Variants in CDH4 observed in about 807,000 individuals in gnomAD.
CDH4 encodes the protein cadherin-4.
CDH4 carries 33 observed loss-of-function variants against 86.0 expected under a neutral mutation model. The ratio of observed to expected loss-of-function variants is 0.38; its 90% CI spans 0.29 to 0.51. CDH4 has a LOEUF of 0.51. Among genes scored for constraint, CDH4 ranks in the 20% least tolerant of loss-of-function variants. The pLI is 0.86. For synonymous variants in CDH4, 555 were observed against 549.4 expected (o/e 1.01, Z -0.14); for missense variants, 1,114 against 1,307.4 (o/e 0.85, Z 2.28).
At chr20:61,506,898 A>G (rs955206464) in intron 2 of CDH4, among the ~76,000 whole-genome samples, 11 of 152,164 alleles carry the variant, frequency 7.2e-5, no homozygotes, top group African/African-American at 2.4e-5. Flanking sequence ...TTTTTGGAAT[A>G]CTCAGATTTG....
At chr20:61,613,479 G>A (rs1468380868) in intron 2 of CDH4, among the ~76,000 whole-genome samples, 1 of 151,708 alleles carries the variant, frequency 6.6e-6, no homozygotes, top group African/African-American at 2.4e-5. Flanking sequence ...TCTCTGTGTG[G>A]AGTATGCTTT....
intron 4 of CDH4, among the ~76,000 whole-genome samples, chr20:61,791,858 G>A (rs971769698): frequency 1.3e-5 from 2 of 152,248 alleles, no homozygotes; most frequent in Non-Finnish European, 2.9e-5. Flanking sequence ...CCCAAGGAAT[G>A]GAAAGGTCTG....
At chr20:61,661,589 A>G (rs960022858) in intron 2 of CDH4, among the ~76,000 whole-genome samples, 2 of 150,740 alleles carry the variant, frequency 1.3e-5, no homozygotes, top group African/African-American at 2.4e-5. Flanking sequence ...CGTCACGGGC[A>G]TGATCTGACA....
chr20:61,532,380 C>T lies in CDH4; in HGVS notation c.170-211183C>T, dbSNP rs867139534. ...ACCCTGGCACCAGTTCAACACGAGG[C>T]GGCAAATGTAAAAATGGAGCCCCGT... On this transcript the variant is annotated intron_variant, in intron 2 of 15. Transcript: ENST00000614565. Among the ~76,000 whole-genome samples, 6 of 152,242 alleles carry T rather than the reference C, an allele frequency of 3.9e-5. 1 individual carries two copies. The South Asian group carries it at 6.2e-4, about 16-fold the overall frequency.
At chr20:61,692,123 G>T (rs1481702860) in intron 2 of CDH4, among the ~76,000 whole-genome samples, 2 of 143,338 alleles carry the variant, frequency 1.4e-5, no homozygotes, top group African/African-American at 5.9e-5. Flanking sequence ...GCATGTGTGT[G>T]TCTGTGTGTG....
chr20:61,873,652 G>A (rs990572602), intron 6 of CDH4, 76 bp from the exon 7 acceptor site: 7 of 1,484,880 alleles, frequency 4.7e-6, no homozygotes, highest in Admixed American at 1.8e-5. Context: ...TGGTCGGGGG[G>A]CTCTGCCCAG....
intron 2 of CDH4, among the ~76,000 whole-genome samples, chr20:61,586,407 T>C (rs2086475774): frequency 3.9e-5 from 6 of 152,162 alleles, no homozygotes. Flanking sequence ...TCCATTTCCT[T>C]TCCCAGCTGA....
At chr20:61,649,582 A>T (rs189758551) in intron 2 of CDH4, among the ~76,000 whole-genome samples, 7 of 152,310 alleles carry the variant, frequency 4.6e-5, no homozygotes, top group Non-Finnish European at 8.8e-5. Flanking sequence ...CCCGGCACTG[A>T]TGACAGGTGC....
intron 3 of CDH4, among the ~76,000 whole-genome samples, chr20:61,764,402 G>A (rs1307272677): frequency 6.6e-6 from 1 of 152,198 alleles, no homozygotes; most frequent in Non-Finnish European, 1.5e-5. Flanking sequence ...ATTCTTGAAT[G>A]TGAGGGATTG....
chr20:61,804,323 C>T (rs370576149), intron 4 of CDH4, among the ~76,000 whole-genome samples: 19 of 152,240 alleles, frequency 1.2e-4, no homozygotes, highest in African/African-American at 3.9e-4. Context: ...GACAGAGGAC[C>T]GAGGCGGGTA....
intron 5 of CDH4, among the ~76,000 whole-genome samples, chr20:61,848,282 T>C (rs1982550980): frequency 1.3e-5 from 2 of 152,212 alleles, no homozygotes; most frequent in African/African-American, 4.8e-5. Context: ...GTGGGGCTGC[T>C]GGTGAAAGGT....
At chr20:61,619,970 G>A (rs1022057530) in intron 2 of CDH4, among the ~76,000 whole-genome samples, 1 of 152,194 alleles carries the variant, frequency 6.6e-6, no homozygotes, top group Non-Finnish European at 1.5e-5. Context: ...TTCTGCTTCT[G>A]TTGGGACATC....
intron 4 of CDH4, among the ~76,000 whole-genome samples, chr20:61,780,533 A>G (rs1388255075): frequency 1.3e-5 from 2 of 152,208 alleles, no homozygotes; most frequent in East Asian, 3.8e-4. Context: ...CCTAGTGCCT[A>G]CCTCTGCTAG....
chr20:61,643,261 C>T (rs180956523), intron 2 of CDH4, among the ~76,000 whole-genome samples: 65 of 152,264 alleles, frequency 4.3e-4, no homozygotes, highest in African/African-American at 6.7e-4. Context: ...TTCGTGGTAA[C>T]GACCCCACCC....
At chr20:61,688,079 C>T (rs964031237) in intron 2 of CDH4, among the ~76,000 whole-genome samples, 15 of 152,234 alleles carry the variant, frequency 9.9e-5, no homozygotes, top group Middle Eastern at 3.4e-3. Flanking sequence ...TGGACAGGAT[C>T]ACAGGACCCC....
chr20:61,316,083 G>C (rs1218523484), intron 2 of CDH4, among the ~76,000 whole-genome samples: 1 of 152,126 alleles, frequency 6.6e-6, no homozygotes, highest in East Asian at 1.9e-4. Flanking sequence ...TTGAAGACAG[G>C]ACTCAGTTTT....
At chr20:61,427,497 G>A (rs1203150453) in intron 2 of CDH4, among the ~76,000 whole-genome samples, 1 of 85,588 alleles carries the variant, frequency 1.2e-5, no homozygotes, top group Admixed American at 1.2e-4. Flanking sequence ...CAACTGAGAG[G>A]CTTTTTTTTT....
At chr20:61,287,172 G>A (rs948292054) in intron 2 of CDH4, among the ~76,000 whole-genome samples, 2 of 152,214 alleles carry the variant, frequency 1.3e-5, no homozygotes, top group Non-Finnish European at 2.9e-5. Context: ...GTGGTGAAGT[G>A]AGGGGAGCTT....
Position 61,339,077 on chromosome 20 carries a change from G to A in CDH4, c.169+84140G>A, listed in dbSNP as rs537058101. Among the ~76,000 whole-genome samples, 63 of 152,286 alleles carry A rather than the reference G, an allele frequency of 4.1e-4. 1 individual carries two copies. The highest frequency in any genetic ancestry group is 9.2e-4 in the Admixed American group (14 of 15,290). The stretch of plus-strand genomic sequence containing the variant: ...ACGCACACACCCCCCATATATTCAT[G>A]TTCTCATGGATGAATCTCTAACATA... On this transcript the variant is annotated intron_variant, in intron 2 of 15. Transcript: ENST00000614565.
Sources: gnomAD v4.1 joint callset for allele counts (sites outside exome capture counted in the v4.1 genomes callset) on GRCh38, gnomAD v4.1.1 for gene constraint, MANE v1.5 for transcripts, NCBI Gene and HGNC (gene_info 2026-07-23, HGNC 2026-07-21) for gene names.